TYW1B: variants seen among roughly 807,000 people sequenced by gnomAD.
The protein encoded by TYW1B is tRNA-yW synthesizing protein 1 homolog B.
Under a neutral mutation model 86.9 loss-of-function variants are expected in TYW1B, and 73 were observed. The ratio of observed to expected loss-of-function variants is 0.84; its 90% CI spans 0.70 to 1.02. The LOEUF is 1.02. Ranked by LOEUF, TYW1B falls within the 50% of genes least tolerant of loss-of-function variation. The probability of loss-of-function intolerance (pLI) is 0.00; values close to 1 mark genes in which losing one functional copy is unlikely to be tolerated. For synonymous variants in TYW1B, 248 were observed against 292.8 expected (o/e 0.85, Z 1.56); for missense variants, 637 against 827.4 (o/e 0.77, Z 2.82).
intron 7 of TYW1B, among the ~76,000 whole-genome samples, chr7:72,763,248 T>C (rs1787715221): frequency 6.6e-6 from 1 of 151,368 alleles, no homozygotes; most frequent in Non-Finnish European, 1.5e-5. Context: ...AACTGAGCTT[T>C]AGAGGGTTAA....
chr7:72,653,773 C>T (rs1554443184), intron 11 of TYW1B, among the ~76,000 whole-genome samples: 2 of 151,742 alleles, frequency 1.3e-5, no homozygotes, highest in Non-Finnish European at 1.5e-5. Context: ...CAAAAGCCAA[C>T]GTCTATTCAT....
At chr7:72,670,110 G>A (rs1192813336) in intron 11 of TYW1B, among the ~76,000 whole-genome samples, 3 of 152,148 alleles carry the variant, frequency 2.0e-5, no homozygotes, top group Admixed American at 6.5e-5. Context: ...CAGCCTGGGT[G>A]ACAGAATGAA....
chr7:72,815,431 C>T lies in TYW1B; in HGVS notation c.186G>A (p.Val62=), dbSNP rs782586758. 6.2e-7 allele frequency: 1 copy of T among 1,610,340 alleles called. No homozygotes were observed. The highest frequency in any genetic ancestry group is 1.1e-5 in the South Asian group (1 of 89,686). The change falls in exon 3 of 14, where the codon GTG becomes GTA. Residue 62 remains valine (V), a synonymous_variant. Coordinates refer to ENST00000620995, the MANE Select transcript of TYW1B (RefSeq NM_001145440.3). Reference sequence around the variant, plus strand: ...CATATTCTTTTAGATTAATAATGGCCACAGGCAGATCCAGGGACGTAACTG... The same window carrying T: ...CATATTCTTTTAGATTAATAATGGCTACAGGCAGATCCAGGGACGTAACTG... The part of the protein sequence containing the change: ...AEAVTSLDLP[V]AIINLKEYDP...
intron 2 of TYW1B, among the ~76,000 whole-genome samples, chr7:72,823,350 G>T (rs1472074902): frequency 1.3e-5 from 2 of 151,568 alleles, no homozygotes; most frequent in African/African-American, 4.8e-5. Context: ...GGCCGGGCAC[G>T]GTGGCTCACG....
At chr7:72,709,946 T>C (rs1206234176) in intron 10 of TYW1B, among the ~76,000 whole-genome samples, 1 of 152,184 alleles carries the variant, frequency 6.6e-6, no homozygotes, top group African/African-American at 2.4e-5. Context: ...CAATCAAGGC[T>C]AGTACGAACA....
chr7:72,740,389 G>A (rs1554461891), intron 8 of TYW1B, among the ~76,000 whole-genome samples: 1 of 132,468 alleles, frequency 7.5e-6, no homozygotes, highest in East Asian at 2.1e-4. Context: ...GACAGAGCAA[G>A]ACCCTGTCTC....
chr7:72,827,242 T>C (rs562292293), intron 1 of TYW1B, among the ~76,000 whole-genome samples: 1 of 152,052 alleles, frequency 6.6e-6, no homozygotes, highest in African/African-American at 2.4e-5. Flanking sequence ...ACCCCGCCTC[T>C]ACTAAAAATA....
chr7:72,641,612 A>G (rs1417622725), intron 11 of TYW1B, among the ~76,000 whole-genome samples: 1 of 152,200 alleles, frequency 6.6e-6, no homozygotes, highest in East Asian at 1.9e-4. Flanking sequence ...CTATATCCAT[A>G]GTAACAGAAA....
At chr7:72,800,116 A>G (rs2129572463) in intron 6 of TYW1B, among the ~76,000 whole-genome samples, 1 of 152,252 alleles carries the variant, frequency 6.6e-6, no homozygotes, top group South Asian at 2.1e-4. Context: ...CTATCTATAT[A>G]ATTTTTTCAA....
intron 8 of TYW1B, among the ~76,000 whole-genome samples, chr7:72,741,442 T>C (rs1198589766): frequency 6.6e-6 from 1 of 151,164 alleles, no homozygotes; most frequent in East Asian, 1.9e-4. Context: ...AAAAAAAAAG[T>C]GTGAAGAAAA....
chr7:72,815,185 C>T (rs1197273209), intron 3 of TYW1B, among the ~76,000 whole-genome samples, 195 bp downstream of exon 3: 1 of 152,054 alleles, frequency 6.6e-6, no homozygotes, highest in Non-Finnish European at 1.5e-5. Context: ...GAACAAGCCC[C>T]ACACCACGTG....
At chr7:72,806,217 T>C (rs1231072493) in intron 5 of TYW1B, among the ~76,000 whole-genome samples, 1 of 144,462 alleles carries the variant, frequency 6.9e-6, no homozygotes, top group Admixed American at 7.3e-5. Flanking sequence ...AAAGAAGACG[T>C]TTTGGTTGTG....
intron 6 of TYW1B, among the ~76,000 whole-genome samples, chr7:72,787,318 G>A (rs1340441776): frequency 6.6e-6 from 1 of 151,788 alleles, no homozygotes; most frequent in Admixed American, 6.6e-5. Context: ...CAAAAATTAG[G>A]CAGGCATGGT....
chr7:72,681,498 C>A (rs1813873917), intron 11 of TYW1B, among the ~76,000 whole-genome samples: 1 of 151,428 alleles, frequency 6.6e-6, no homozygotes, highest in South Asian at 2.1e-4. Context: ...GGGAAGGCTG[C>A]CAAAGATAAG....
At chr7:72,707,999 G>A (rs782361567) in intron 10 of TYW1B, among the ~76,000 whole-genome samples, 33 of 152,160 alleles carry the variant, frequency 2.2e-4, no homozygotes, top group African/African-American at 3.4e-4. Context: ...TTTGCCTTCC[G>A]CCATGATTGT....
intron 11 of TYW1B, among the ~76,000 whole-genome samples, chr7:72,638,668 G>A (rs2129568971): frequency 6.6e-6 from 1 of 152,342 alleles, no homozygotes; most frequent in Admixed American, 6.5e-5. Context: ...AATGCAGTAA[G>A]ACAAGACAGG....
intron 8 of TYW1B, among the ~76,000 whole-genome samples, chr7:72,743,371 C>T (rs190713346): frequency 7.9e-5 from 12 of 152,198 alleles, no homozygotes; most frequent in Admixed American, 7.2e-4. Flanking sequence ...GGAGTGGCGT[C>T]CCCCTTCTTT....
intron 12 of TYW1B, among the ~76,000 whole-genome samples, chr7:72,623,044 A>C (rs879974404): frequency 6.6e-6 from 1 of 152,238 alleles, no homozygotes; most frequent in East Asian, 1.9e-4. Context: ...AGGAAGGAAG[A>C]GTTTCCTAAA....
intron 9 of TYW1B, among the ~76,000 whole-genome samples, chr7:72,723,336 A>G (rs1786939779): frequency 6.6e-6 from 1 of 152,228 alleles, no homozygotes; most frequent in Admixed American, 6.5e-5. Context: ...TGGAGATACC[A>G]GGAATATCAC....
Sources: gnomAD v4.1 joint callset for allele counts (sites outside exome capture counted in the v4.1 genomes callset) on GRCh38, gnomAD v4.1.1 for gene constraint, MANE v1.5 for transcripts, NCBI Gene and HGNC (gene_info 2026-07-23, HGNC 2026-07-21) for gene names.